The following SOX21 variants were observed in gnomAD, a reference collection of about 807,000 sequenced individuals.
The protein encoded by SOX21 is transcription factor SOX-21.
For synonymous variants in SOX21, 237 were observed against 189.7 expected (o/e 1.25, Z -2.05); for missense variants, 370 against 388.8 (o/e 0.95, Z 0.41).
At position 94,711,782 on chromosome 13, in the gene SOX21, C is replaced by T. The variant is rs1875265539; in HGVS notation, c.268G>A (p.Asp90Asn). ...TAGGGCACCGGGAAGGCGAACTTGTCCTTCTTGAGCAGCGTCTTGGGCTTG... is the reference window on the plus strand; with the variant it reads ...TAGGGCACCGGGAAGGCGAACTTGTTCTTCTTGAGCAGCGTCTTGGGCTTG... The part of the protein sequence containing the change: ...RRKPKTLLKK[D>N]KFAFPVPYGL... The change falls in exon 1 of 1, where the codon GAC becomes AAC. Residue 90 changes from aspartate to asparagine, a missense_variant. Transcript: ENST00000376945. The T allele has an allele frequency of 6.2e-7, 1 of 1,613,608 alleles. No individual in the cohort carries two copies.
rs1055097796 is a variant in SOX21 at position 94,711,587 on chromosome 13, C to T, written c.463G>A (p.Ala155Thr). Residue 155 changes from alanine (A) to threonine (T), a missense_variant, in exon 1 of 1, where the codon GCT becomes ACT. By Grantham distance (58) the Ala-to-Thr change is moderately conservative (BLOSUM62 0). Transcript: ENST00000376945. ...GCGGCGGCGGCAGCGGCGGCGGCAG[C>T]GGCCGACTGCGGGAAGAAGACGCGT... ...AARVFFPQSA[A>T]AAAAAAAAAA... 7 of 1,193,020 alleles carry T rather than the reference C, an allele frequency of 5.9e-6. No individual in the cohort carries two copies. The highest frequency in any genetic ancestry group is 4.0e-5 in the East Asian group (1 of 25,192). The allele number at this position is 1,193,020 out of a possible 1,614,324, so 73.9% of individuals were successfully genotyped here. A position where few individuals can be genotyped will look rare whatever the true frequency, so the allele number is the denominator to read the frequency against.
chr13:94,711,566 C>T lies in SOX21; in HGVS notation c.484G>A (p.Ala162Thr), dbSNP rs1160792143. Reference protein sequence around the residue: ...QSAAAAAAAAAAAAAGSPYSL... With the variant: ...QSAAAAAAAATAAAAGSPYSL... ...TAGGGGCTGCCCGCGGCGGCGGCGGCGGCGGCAGCGGCGGCGGCAGCGGCC... is the reference window on the plus strand; with the variant it reads ...TAGGGGCTGCCCGCGGCGGCGGCGGTGGCGGCAGCGGCGGCGGCAGCGGCC... The change falls in exon 1 of 1, where the codon GCC becomes ACC. Residue 162 changes from alanine to threonine, a missense_variant. Transcript: ENST00000376945. 2.5e-6 allele frequency: 2 copies of T among 801,296 alleles called. No homozygotes were observed. The highest frequency in any genetic ancestry group is 1.5e-6 in the Non-Finnish European group (1 of 653,118). The allele number at this position is 801,296 out of a possible 1,614,324, so 49.6% of individuals were successfully genotyped here.
rs1425770730 is a variant in SOX21 at position 94,711,617 on chromosome 13, CGG to C, written c.431_432del (p.Ala144GlyfsTer151). 8.2e-7 allele frequency: 1 copy of C among 1,226,706 alleles called. No individual in the cohort carries two copies. The highest frequency in any genetic ancestry group is 1.6e-5 in the African/African-American group (1 of 62,228). 76.0% of individuals were successfully genotyped at this position (1,226,706 alleles called of 1,614,324 possible). On this transcript the variant is annotated frameshift_variant, in exon 1 of 1. Transcript: ENST00000376945. LOFTEE classifies it low-confidence loss of function (END_TRUNC). ...GACTGCGGGAAGAAGACGCGTGCGG[CGG>C]CAGCGGCGGCGGCCGCGGCCGCCTT... ...PEKAAAAAAA[A>X]AARVFFPQSA...
rs1875283333 is a variant in SOX21 at position 94,712,193 on chromosome 13, G to A, written c.-144C>T. 2 of 1,367,200 alleles carry A rather than the reference G, an allele frequency of 1.5e-6. No individual in the cohort carries two copies. The highest frequency in any genetic ancestry group is 3.9e-5 in the Admixed American group (1 of 25,682). 84.7% of individuals were successfully genotyped at this position (1,367,200 alleles called of 1,614,324 possible). A position where few individuals can be genotyped will look rare whatever the true frequency, so the allele number is the denominator to read the frequency against. On this transcript the variant is annotated 5_prime_UTR_variant, in exon 1 of 1. Transcript: ENST00000376945. The surrounding 1 kb of genome is among the most constrained non-coding windows in gnomAD (Gnocchi z 5.0). The stretch of plus-strand genomic sequence containing the variant: ...CGGCGTCGCTCCCGCCCCGGAGGAG[G>A]GGGCTGGGGGACCAGCCCAGGGCCA...
Position 94,711,192 on chromosome 13 carries a change from C to A in SOX21, c.*27G>T. 7.7e-7 allele frequency: 1 copy of A among 1,303,786 alleles called. No homozygotes were observed. The allele number at this position is 1,303,786 out of a possible 1,614,324, so 80.8% of individuals were successfully genotyped here. A position where few individuals can be genotyped will look rare whatever the true frequency, so the allele number is the denominator to read the frequency against. ...TATACATATGTACACGTGTGCACAC[C>A]GGTCCTCGCGAGGCGGCCCCGCGGG... is the stretch of plus-strand genomic sequence containing the variant. On this transcript the variant is annotated 3_prime_UTR_variant, in exon 1 of 1. Coordinates refer to ENST00000376945, the MANE Select transcript of SOX21 (RefSeq NM_007084.4).
chr13:94,711,660 C>T lies in SOX21; in HGVS notation c.390G>A (p.Leu130=). ...CGGCCGCCTTCTCGGGATTGGCGAG[C>T]AGCGACTCAGGCACCAGGCCGCCGC... ...GAGGGLVPES[L]LANPEKAAAA... The change falls in exon 1 of 1, where the codon CTG becomes CTA. Residue 130 remains leucine, a synonymous_variant. Transcript: ENST00000376945. The T allele has an allele frequency of 6.9e-7, 1 of 1,443,828 alleles. No individual in the cohort carries two copies. Among genetic ancestry groups the T allele is most frequent in the Non-Finnish European group, 9.1e-7 (1 of 1,103,824 alleles). 89.4% of individuals were successfully genotyped at this position (1,443,828 alleles called of 1,614,324 possible).
chr13:94,711,372 G>T lies in SOX21; in HGVS notation c.678C>A (p.His226Gln). 4 of 1,253,628 alleles carry T rather than the reference G, an allele frequency of 3.2e-6. No individual in the cohort carries two copies. The highest frequency in any genetic ancestry group is 4.0e-6 in the Non-Finnish European group (4 of 1,000,772). 77.7% of individuals were successfully genotyped at this position (1,253,628 alleles called of 1,614,324 possible). Residue 226 changes from histidine to glutamine, a missense_variant, in exon 1 of 1, where the codon CAC becomes CAA. Transcript: ENST00000376945. Reference protein sequence around the residue: ...AAAAGGHTHSHPSPGNPGYMI... With the variant: ...AAAAGGHTHSQPSPGNPGYMI... ...TGTAGCCCGGGTTGCCCGGGCTGGG[G>T]TGCGAGTGCGTGTGCCCCCCGGCGG...
Position 94,711,693 on chromosome 13 carries a change from C to T in SOX21, c.357G>A (p.Ala119=), listed in dbSNP as rs1875259866. 6.6e-7 allele frequency: 1 copy of T among 1,519,972 alleles called. No individual in the cohort carries two copies. The highest frequency in any genetic ancestry group is 1.4e-5 in the African/African-American group (1 of 69,446). 94.2% of individuals were successfully genotyped at this position (1,519,972 alleles called of 1,614,324 possible). A position where few individuals can be genotyped will look rare whatever the true frequency, so the allele number is the denominator to read the frequency against. Residue 119 remains alanine (A), a synonymous_variant, in exon 1 of 1, where the codon GCG becomes GCA. Transcript: ENST00000376945. The stretch of plus-strand genomic sequence containing the variant: ...CAGGCACCAGGCCGCCGCCCGCCCC[C>T]GCGTGCAGCCCGGCGCCCGCCTTGA... ...PALKAGAGLH[A]GAGGGLVPES...
chr13:94,712,509 C>G lies in SOX21; in HGVS notation c.-460G>C. 1 of 988,140 alleles carries G rather than the reference C, an allele frequency of 1.0e-6. No homozygotes were observed. Among genetic ancestry groups the G allele is most frequent in the Non-Finnish European group, 1.2e-6 (1 of 832,366 alleles). 61.2% of individuals were successfully genotyped at this position (988,140 alleles called of 1,614,324 possible). A position where few individuals can be genotyped will look rare whatever the true frequency, so the allele number is the denominator to read the frequency against. On this transcript the variant is annotated 5_prime_UTR_variant, in exon 1 of 1. Coordinates refer to ENST00000376945, the MANE Select transcript of SOX21 (RefSeq NM_007084.4). This position sits in a 1 kb window ranked among gnomAD's most constrained non-coding sequence, Gnocchi z 5.0. ...CGAGGAGCCCGCCGCCGCGTGCTGC[C>G]AAGTGCCAAAGGGGGCTCTCAGCGG...
At position 94,711,457 on chromosome 13, in the gene SOX21, G is replaced by T; in HGVS notation, c.593C>A (p.Pro198Gln). Residue 198 changes from proline (P) to glutamine (Q), a missense_variant, in exon 1 of 1, where the codon CCG (proline) becomes CAG (glutamine). Transcript: ENST00000376945. Reference protein sequence around the residue: ...GLPYASSLGYPTAGAGAFHGA... With the variant: ...GLPYASSLGYQTAGAGAFHGA... ...GTGGAAGGCGCCCGCGCCCGCGGTC[G>T]GGTAGCCCAGCGACGACGCGTACGG... 9.1e-6 allele frequency: 10 copies of T among 1,099,060 alleles called. No homozygotes were observed. The South Asian group carries it at 3.3e-4, about 36-fold the overall frequency. The allele number at this position is 1,099,060 out of a possible 1,614,324, so 68.1% of individuals were successfully genotyped here. A position where few individuals can be genotyped will look rare whatever the true frequency, so the allele number is the denominator to read the frequency against.
In SOX21 at chr13:94,711,606, G is replaced by A; in HGVS notation, c.444C>T (p.Val148=). ...AAAAAAAAAR[V]FFPQSAAAAA... is the part of the protein sequence containing the mutation. ...CGGCAGCGGCCGACTGCGGGAAGAA[G>A]ACGCGTGCGGCGGCAGCGGCGGCGG... The change falls in exon 1 of 1, where the codon GTC becomes GTT. Residue 148 remains valine (V), a synonymous_variant. Coordinates refer to ENST00000376945, the MANE Select transcript of SOX21 (RefSeq NM_007084.4). 1.6e-6 allele frequency: 2 copies of A among 1,220,470 alleles called. No individual in the cohort carries two copies. The highest frequency in any genetic ancestry group is 7.4e-5 in the South Asian group (2 of 27,080). The allele number at this position is 1,220,470 out of a possible 1,614,324, so 75.6% of individuals were successfully genotyped here.
Position 94,711,220 on chromosome 13 carries a change from C to G in SOX21, c.830G>C (p.Ter277SerextTer46). Residue 277 changes from the stop codon to serine (S), a stop_lost, in exon 1 of 1, where the codon TGA (stop) becomes TCA (serine). Transcript: ENST00000376945. ...TCCTCGCGAGGCGGCCCCGCGGGGTCATAGCGCGGCAGCGTAGGCCGCGGG... is the reference window on the plus strand; with the variant it reads ...TCCTCGCGAGGCGGCCCCGCGGGGTGATAGCGCGGCAGCGTAGGCCGCGGG... ...PYPAAYAAAL[*>S] 7.5e-7 allele frequency: 1 copy of G among 1,338,050 alleles called. No individual in the cohort carries two copies. The highest frequency in any genetic ancestry group is 9.5e-7 in the Non-Finnish European group (1 of 1,050,070). 82.9% of individuals were successfully genotyped at this position (1,338,050 alleles called of 1,614,324 possible). A position where few individuals can be genotyped will look rare whatever the true frequency, so the allele number is the denominator to read the frequency against.
chr13:94,712,288 C>T lies in SOX21; in HGVS notation c.-239G>A. On this transcript the variant is annotated 5_prime_UTR_variant, in exon 1 of 1. Transcript: ENST00000376945. The surrounding 1 kb of genome is among the most constrained non-coding windows in gnomAD (Gnocchi z 5.0). ...GCAGGTTGTCTCTGGGACACTCTAA[C>T]TTCTCGGCGGTGCCCCCTCCCCGCG... is the stretch of plus-strand genomic sequence containing the variant. 8.5e-7 allele frequency: 1 copy of T among 1,180,578 alleles called. No homozygotes were observed. 73.1% of individuals were successfully genotyped at this position (1,180,578 alleles called of 1,614,324 possible).
In SOX21 at chr13:94,710,406, T is replaced by TTTG. The variant is rs751377939; in HGVS notation, c.*810_*812dup. Reference sequence around the variant, plus strand: ...GTGGACTCAGGGAGACTTCTAGTAGTTTGTTGTTGTTGTTTGTTTAGGAAG... The same window carrying TTTG: ...GTGGACTCAGGGAGACTTCTAGTAGTTTGTTGTTGTTGTTGTTTGTTTAGGAAG... On this transcript the variant is annotated 3_prime_UTR_variant, in exon 1 of 1. Transcript: ENST00000376945. 6.6e-6 allele frequency: 1 copy of TTTG among 152,574 alleles called. No individual in the cohort carries two copies. Among genetic ancestry groups the TTTG allele is most frequent in the African/African-American group, 2.4e-5 (1 of 41,442 alleles). The allele number at this position is 152,574 out of a possible 1,614,324, so 9.5% of individuals were successfully genotyped here.
In SOX21 at chr13:94,712,152, G is replaced by A. The variant is rs1228624491; in HGVS notation, c.-103C>T. 3 of 1,417,042 alleles carry A rather than the reference G, an allele frequency of 2.1e-6. No homozygotes were observed. The highest frequency in any genetic ancestry group is 3.5e-5 in the Admixed American group (1 of 28,704). The allele number at this position is 1,417,042 out of a possible 1,614,324, so 87.8% of individuals were successfully genotyped here. A position where few individuals can be genotyped will look rare whatever the true frequency, so the allele number is the denominator to read the frequency against. On this transcript the variant is annotated 5_prime_UTR_variant, in exon 1 of 1. Coordinates refer to ENST00000376945, the MANE Select transcript of SOX21 (RefSeq NM_007084.4). This position sits in a 1 kb window ranked among gnomAD's most constrained non-coding sequence, Gnocchi z 5.0. ...CCCGCGGAGACCCGCTCGGCCGGCC[G>A]GGGCTCGTCGCGCCCCGGCGTCGCT...
chr13:94,711,210 C>T lies in SOX21; in HGVS notation c.*9G>A. Reference sequence around the variant, plus strand: ...TGCACACCGGTCCTCGCGAGGCGGCCCCGCGGGGTCATAGCGCGGCAGCGT... The same window carrying T: ...TGCACACCGGTCCTCGCGAGGCGGCTCCGCGGGGTCATAGCGCGGCAGCGT... On this transcript the variant is annotated 3_prime_UTR_variant, in exon 1 of 1. Transcript: ENST00000376945. 7.6e-7 allele frequency: 1 copy of T among 1,323,922 alleles called. No individual in the cohort carries two copies. Among genetic ancestry groups the T allele is most frequent in the South Asian group, 2.1e-5 (1 of 46,778 alleles). 82.0% of individuals were successfully genotyped at this position (1,323,922 alleles called of 1,614,324 possible).
At position 94,711,416 on chromosome 13, in the gene SOX21, C is replaced by A. The variant is rs1465065756; in HGVS notation, c.634G>T (p.Ala212Ser). 44 of 547,142 alleles carry A rather than the reference C, an allele frequency of 8.0e-5. No homozygotes were observed. Among genetic ancestry groups the A allele is most frequent in the East Asian group, 4.0e-4 (3 of 7,530 alleles). 33.9% of individuals were successfully genotyped at this position (547,142 alleles called of 1,614,324 possible). Residue 212 changes from alanine to serine, a missense_variant, in exon 1 of 1, where the codon GCT becomes TCT. Physicochemically the swap from Ala to Ser is moderately conservative, Grantham distance 99. Coordinates refer to ENST00000376945, the MANE Select transcript of SOX21 (RefSeq NM_007084.4). ...AGAFHGAAAAAAAAAAAAGGH... is the reference protein window; with the variant it reads ...AGAFHGAAAASAAAAAAAGGH... ...CCGGCGGCGGCGGCCGCCGCTGCAG[C>A]CGCCGCCGCCGCGCCGTGGAAGGCG...
Position 94,711,338 on chromosome 13 carries a change from A to G in SOX21, c.712T>C (p.Cys238Arg). 7.7e-7 allele frequency: 1 copy of G among 1,296,462 alleles called. No homozygotes were observed. Among genetic ancestry groups the G allele is most frequent in the East Asian group, 3.1e-5 (1 of 32,684 alleles). The allele number at this position is 1,296,462 out of a possible 1,614,324, so 80.3% of individuals were successfully genotyped here. ...SPGNPGYMIPCNCSAWPSPGL... is the reference protein window; with the variant it reads ...SPGNPGYMIPRNCSAWPSPGL... ...GGGCTGGGCCACGCGCTGCAGTTGCACGGGATCATGTAGCCCGGGTTGCCC... is the reference window on the plus strand; with the variant it reads ...GGGCTGGGCCACGCGCTGCAGTTGCGCGGGATCATGTAGCCCGGGTTGCCC... Residue 238 changes from cysteine (C) to arginine (R), a missense_variant, in exon 1 of 1, where the codon TGC becomes CGC. Transcript: ENST00000376945.
Position 94,711,210 on chromosome 13 carries a change from CCCGCGGGGTCATAGCGCGGCAGCGTAGG to C in SOX21, c.812_*8del. On this transcript the variant is annotated stop_lost and 3_prime_UTR_variant, in exon 1 of 1. Transcript: ENST00000376945. The stretch of plus-strand genomic sequence containing the variant: ...TGCACACCGGTCCTCGCGAGGCGGC[CCCGCGGGGTCATAGCGCGGCAGCGTAGG>C]CCGCGGGGTAGGGGTCCAGCTGGGG... The C allele has an allele frequency of 2.3e-6, 3 of 1,323,906 alleles. No individual in the cohort carries two copies. Among genetic ancestry groups the C allele is most frequent in the South Asian group, 2.1e-5 (1 of 46,772 alleles). The allele number at this position is 1,323,906 out of a possible 1,614,324, so 82.0% of individuals were successfully genotyped here.
Sources: allele counts gnomAD v4.1 joint callset, GRCh38; gene constraint gnomAD v4.1.1; non-coding constraint Gnocchi (gnomAD v3.1); transcripts MANE v1.5; gene names NCBI Gene and HGNC (gene_info 2026-07-23, HGNC 2026-07-21).